The following RNF220 variants were observed in gnomAD, a reference collection of about 807,000 sequenced individuals.
RNF220 encodes ring finger protein 220.
In RNF220, 7 loss-of-function variants were observed where a neutral mutation model predicts 67.1. That is an observed-to-expected ratio of 0.10 (90% CI 0.06 to 0.20). The LOEUF (loss-of-function observed/expected upper bound fraction) is 0.20. Ranked by LOEUF, RNF220 falls within the 10% of genes least tolerant of loss-of-function variation. The pLI, the probability that RNF220 is intolerant of heterozygous loss-of-function variation, is 1.00. For synonymous variants in RNF220, 270 were observed against 283.2 expected, an observed-to-expected ratio of 0.95 and a Z score of 0.47; for missense variants, 565 against 740.3, an observed-to-expected ratio of 0.76 and a Z score of 2.75.
intron 2 of RNF220, among the ~76,000 whole-genome samples, chr1:44,520,680 TAG>T (rs1279343386): frequency 6.6e-6 from 1 of 152,240 alleles, no homozygotes; most frequent in African/African-American, 2.4e-5. Flanking sequence ...TTTCATTCTC[TAG>T]GCTGCTATAT....
intron 4 of RNF220, among the ~76,000 whole-genome samples, chr1:44,625,232 TGAA>T (rs1378082100): frequency 6.6e-6 from 1 of 151,962 alleles, no homozygotes; most frequent in South Asian, 2.1e-4. Flanking sequence ...CTTGGATGGG[TGAA>T]GAAGGAGCTC....
chr1:44,632,149 G>A, intron 5 of RNF220, 194 bp from the exon 6 acceptor site: 2 of 1,542,942 alleles, frequency 1.3e-6, no homozygotes, highest in Non-Finnish European at 1.8e-6. Context: ...GCAGCGCCCG[G>A]CGGCTATGCC....
At chr1:44,517,444 T>C (rs1329960569) in intron 2 of RNF220, among the ~76,000 whole-genome samples, 1 of 152,160 alleles carries the variant, frequency 6.6e-6, no homozygotes, top group Admixed American at 6.5e-5. Context: ...CTATAAAAGA[T>C]TTCACCTGTT....
chr1:44,631,888 C>T, intron 5 of RNF220: 1 of 985,626 alleles, frequency 1.0e-6, no homozygotes, highest in South Asian at 4.7e-5. Flanking sequence ...CAAACGGCAG[C>T]TTCCTGGTCT....
At chr1:44,434,249 G>T (rs1485458228) in intron 2 of RNF220, among the ~76,000 whole-genome samples, 1 of 152,098 alleles carries the variant, frequency 6.6e-6, no homozygotes, top group Non-Finnish European at 1.5e-5. Flanking sequence ...AGGCCTGAGG[G>T]CTGGGACAGA....
At chr1:44,580,045 A>AG (rs1665135985) in intron 2 of RNF220, among the ~76,000 whole-genome samples, 2 of 142,796 alleles carry the variant, frequency 1.4e-5, no homozygotes, top group South Asian at 2.1e-4. Context: ...AAAAAAAAAA[A>AG]AAAAAAAAAA....
At position 44,650,877 on chromosome 1, in the gene RNF220, C is replaced by T. The variant is rs924966676; in HGVS notation, c.*102C>T. On this transcript the variant is annotated 3_prime_UTR_variant, in exon 15 of 15. Coordinates refer to ENST00000361799, the MANE Select transcript of RNF220 (RefSeq NM_018150.4). This position sits in a 1 kb window ranked among gnomAD's most constrained non-coding sequence, Gnocchi z 4.3. Reference sequence around the variant, plus strand: ...TGTACATACTTGCACACAGGTTCCCCATGTACATACATGCACATACTCAAA... The same window carrying T: ...TGTACATACTTGCACACAGGTTCCCTATGTACATACATGCACATACTCAAA... 2.0e-5 allele frequency: 19 copies of T among 955,196 alleles called. No homozygotes were observed. Among genetic ancestry groups the T allele is most frequent in the Admixed American group, 1.4e-4 (8 of 55,530 alleles). 59.2% of individuals were successfully genotyped at this position (955,196 alleles called of 1,614,324 possible). A position where few individuals can be genotyped will look rare whatever the true frequency, so the allele number is the denominator to read the frequency against.
In RNF220 at chr1:44,405,270, C is replaced by A; in HGVS notation, c.-378C>A. On this transcript the variant is annotated 5_prime_UTR_variant, in exon 1 of 15. Transcript: ENST00000361799. The stretch of plus-strand genomic sequence containing the variant: ...GTGGAGGCTCATTCACTGATTAGAT[C>A]CAGCGCTGAGAGGCAGCACTGCTCC... 2.5e-6 allele frequency: 1 copy of A among 407,366 alleles called. No individual in the cohort carries two copies. Among genetic ancestry groups the A allele is most frequent in the South Asian group, 3.9e-5 (1 of 25,882 alleles). 25.2% of individuals were successfully genotyped at this position (407,366 alleles called of 1,614,324 possible). A position where few individuals can be genotyped will look rare whatever the true frequency, so the allele number is the denominator to read the frequency against.
chr1:44,648,370 C>T (rs1014462394), intron 12 of RNF220: 14 of 152,202 alleles, frequency 9.2e-5, no homozygotes, highest in Admixed American at 1.3e-4. Flanking sequence ...TTAGTAAGTG[C>T]TTAATAAATT....
intron 2 of RNF220, among the ~76,000 whole-genome samples, chr1:44,413,905 A>C (rs1246770672): frequency 6.6e-6 from 1 of 152,206 alleles, no homozygotes; most frequent in African/African-American, 2.4e-5. Context: ...CACTGTGTTA[A>C]CTTCCCTGCG....
chr1:44,501,057 G>A (rs1657811141), intron 2 of RNF220, among the ~76,000 whole-genome samples: 1 of 151,442 alleles, frequency 6.6e-6, no homozygotes, highest in South Asian at 2.1e-4. Context: ...TGGGGGTGGG[G>A]GTGGGGGTGG....
Position 44,409,127 on chromosome 1 carries a change from T to G in RNF220, c.-117-2854T>G, listed in dbSNP as rs1021125909. Reference sequence around the variant, plus strand: ...GTGTTTAACCACGCAATTAGTAATCTCACTAATTATTCAGATAGCTGGCGT... The same window carrying G: ...GTGTTTAACCACGCAATTAGTAATCGCACTAATTATTCAGATAGCTGGCGT... On this transcript the variant is annotated intron_variant, in intron 1 of 14. Coordinates refer to ENST00000361799, the MANE Select transcript of RNF220 (RefSeq NM_018150.4). Among the ~76,000 whole-genome samples the G allele has an allele frequency of 3.3e-5, 5 of 152,220 alleles. No individual in the cohort carries two copies. The East Asian group carries it at 9.6e-4, about 29-fold the overall frequency.
chr1:44,555,848 C>G (rs1663039334), intron 2 of RNF220, among the ~76,000 whole-genome samples: 1 of 150,648 alleles, frequency 6.6e-6, no homozygotes, highest in South Asian at 2.1e-4. Flanking sequence ...TCTTCTATGC[C>G]TTCATCTGCC....
At chr1:44,639,783 TTTTA>T (rs1360605868) in intron 8 of RNF220, among the ~76,000 whole-genome samples, 5 of 152,196 alleles carry the variant, frequency 3.3e-5, no homozygotes, top group Non-Finnish European at 1.5e-5. Context: ...TTCTTTTCCT[TTTTA>T]TTTATTTATT....
intron 2 of RNF220, among the ~76,000 whole-genome samples, chr1:44,605,690 T>G (rs948885377): frequency 7.2e-5 from 11 of 152,186 alleles, no homozygotes; most frequent in African/African-American, 2.4e-4. Flanking sequence ...AGGCACCCAA[T>G]ACAGTCTGGA....
chr1:44,566,947 C>T (rs1322192670), intron 2 of RNF220, among the ~76,000 whole-genome samples: 1 of 152,208 alleles, frequency 6.6e-6, no homozygotes, highest in Non-Finnish European at 1.5e-5. Flanking sequence ...TTATACCGGC[C>T]CAGGCCCTTG....
chr1:44,427,597 T>C (rs1284422573), intron 2 of RNF220, among the ~76,000 whole-genome samples: 19 of 152,192 alleles, frequency 1.2e-4, no homozygotes, highest in Admixed American at 1.2e-3. Context: ...TTTGGTGGGA[T>C]GGGAGAAGAT....
chr1:44,552,080 G>A (rs371333587), intron 2 of RNF220, among the ~76,000 whole-genome samples: 6 of 152,326 alleles, frequency 3.9e-5, no homozygotes, highest in Non-Finnish European at 7.3e-5. Flanking sequence ...CTGGAGTATA[G>A]AGGCTACTTG....
chr1:44,528,304 CT>C (rs543649162), intron 2 of RNF220, among the ~76,000 whole-genome samples: 4,557 of 145,568 alleles, frequency 0.031, 84 homozygotes, highest in South Asian at 0.046. Context: ...AAATTGGCAA[CT>C]TTTTTTTTTT....
Sources: allele counts gnomAD v4.1 joint callset (sites outside exome capture counted in the v4.1 genomes callset), GRCh38; gene constraint gnomAD v4.1.1; non-coding constraint Gnocchi (gnomAD v3.1); transcripts MANE v1.5; gene names NCBI Gene and HGNC (gene_info 2026-07-23, HGNC 2026-07-21).